Variants in TACC2 observed in about 807,000 individuals in gnomAD.
TACC2 encodes the protein transforming acidic coiled-coil-containing protein 2.
Under a neutral mutation model 227.3 loss-of-function variants are expected in TACC2, and 137 were observed. That is an observed-to-expected ratio of 0.60 (90% CI 0.52 to 0.69). The LOEUF (loss-of-function observed/expected upper bound fraction) is 0.69. Ranked by LOEUF, TACC2 falls within the 30% of genes least tolerant of loss-of-function variation. The pLI is 0.00. For synonymous variants in TACC2, 1,523 were observed against 1,487.5 expected (o/e 1.02, Z -0.55); for missense variants, 3,470 against 3,694.4 (o/e 0.94, Z 1.57).
Position 121,989,335 on chromosome 10 carries a change from A to G in TACC2, c.-199A>G, listed in dbSNP as rs970907229. 1.3e-5 allele frequency: 2 copies of G among 152,206 alleles called. No individual in the cohort carries two copies. Among genetic ancestry groups the G allele is most frequent in the African/African-American group, 4.8e-5 (2 of 41,450 alleles). The allele number at this position is 152,206 out of a possible 1,614,324, so 9.4% of individuals were successfully genotyped here. Reference sequence around the variant, plus strand: ...TTTACTTCCTTTCATTCCTCTCTAAAACTTTTTTAAAAACTTTCACTCCTG... The same window carrying G: ...TTTACTTCCTTTCATTCCTCTCTAAGACTTTTTTAAAAACTTTCACTCCTG... On this transcript the variant is annotated 5_prime_UTR_variant, in exon 1 of 23. Transcript: ENST00000369005.
At chr10:122,207,724 GCT>G (rs1185189284) in intron 8 of TACC2, among the ~76,000 whole-genome samples, 2 of 152,244 alleles carry the variant, frequency 1.3e-5, no homozygotes, top group East Asian at 3.8e-4. Context: ...CAGGCAGGGA[GCT>G]CTTTCTTCTG....
At chr10:122,106,771 A>C (rs947296813) in intron 5 of TACC2, among the ~76,000 whole-genome samples, 2 of 152,248 alleles carry the variant, frequency 1.3e-5, no homozygotes, top group Non-Finnish European at 2.9e-5. Flanking sequence ...AATACAAGAA[A>C]GCTTCAACAA....
chr10:122,156,385 G>A (rs1386596554), intron 7 of TACC2, among the ~76,000 whole-genome samples: 2 of 150,246 alleles, frequency 1.3e-5, no homozygotes, highest in African/African-American at 2.4e-5. Flanking sequence ...CACCATGCCC[G>A]GCTAATTTTT....
chr10:121,992,763 T>C (rs1157057342), intron 1 of TACC2, among the ~76,000 whole-genome samples: 1 of 152,024 alleles, frequency 6.6e-6, no homozygotes, highest in African/African-American at 2.4e-5. Context: ...GAGACCAGCC[T>C]GGGCAACACG....
rs372654688 is a variant in TACC2, at chr10:122,129,452, C to T, written c.5574-3157C>T. Among the ~76,000 whole-genome samples, 208 of 152,230 alleles carry T rather than the reference C, an allele frequency of 1.4e-3. 1 individual carries two copies. In the Middle Eastern group the frequency reaches 0.031, roughly 23 times the overall value. On this transcript the variant is annotated intron_variant, in intron 5 of 22. Coordinates refer to ENST00000369005, the MANE Select transcript of TACC2 (RefSeq NM_206862.4). The stretch of plus-strand genomic sequence containing the variant: ...CTACTGTTGGGCATTTTGGTTGTTT[C>T]CAGATTTTTTGCTATCGTGATTCCA...
At chr10:122,068,327 T>C (rs976949084) in intron 3 of TACC2, among the ~76,000 whole-genome samples, 1 of 152,232 alleles carries the variant, frequency 6.6e-6, no homozygotes, top group Non-Finnish European at 1.5e-5. Flanking sequence ...CAAATTATGT[T>C]ATTTTTTTTC....
rs1190274688 is a variant in TACC2 at position 122,205,833 on chromosome 10, C to T, written c.5972-4564C>T. Among the ~76,000 whole-genome samples, 1 of 152,200 alleles carries T rather than the reference C, an allele frequency of 6.6e-6. No homozygotes were observed. The highest frequency in any genetic ancestry group is 1.5e-5 in the Non-Finnish European group (1 of 68,028). Reference sequence around the variant, plus strand: ...ACTTGCTCTGAGCTACCCACAGCAACCAGCAAACTGCCACAGAAAGACCAA... The same window carrying T: ...ACTTGCTCTGAGCTACCCACAGCAATCAGCAAACTGCCACAGAAAGACCAA... On this transcript the variant is annotated intron_variant, in intron 8 of 22. Transcript: ENST00000369005. The surrounding 1 kb of genome is among the most constrained non-coding windows in gnomAD (Gnocchi z 4.5).
intron 7 of TACC2, among the ~76,000 whole-genome samples, chr10:122,166,553 T>C (rs1375359691): frequency 6.6e-6 from 1 of 152,202 alleles, no homozygotes; most frequent in South Asian, 2.1e-4. Context: ...ACTCCCAGGG[T>C]CGGCCACACA....
At chr10:122,155,382 C>A in intron 7 of TACC2, among the ~76,000 whole-genome samples, 1 of 152,244 alleles carries the variant, frequency 6.6e-6, no homozygotes, top group East Asian at 1.9e-4. Flanking sequence ...TAGAGGAACT[C>A]CGTGGATTAA....
chr10:122,115,245 C>A (rs962149159), intron 5 of TACC2, among the ~76,000 whole-genome samples: 4 of 151,752 alleles, frequency 2.6e-5, no homozygotes, highest in Non-Finnish European at 5.9e-5. Context: ...TGACACAGCC[C>A]CCACCTTCAA....
chr10:122,218,396 G>A (rs1473492088), intron 11 of TACC2, among the ~76,000 whole-genome samples: 2 of 152,102 alleles, frequency 1.3e-5, no homozygotes, highest in African/African-American at 2.4e-5. Context: ...TCATGAGGGT[G>A]CAGGTAGATT....
chr10:122,115,702 A>T (rs1445271808), intron 5 of TACC2, among the ~76,000 whole-genome samples: 3 of 151,590 alleles, frequency 2.0e-5, no homozygotes. Context: ...GAAGAGAATG[A>T]GGGCTTGATG....
intron 1 of TACC2, among the ~76,000 whole-genome samples, chr10:121,990,692 C>T (rs1952991849): frequency 6.6e-6 from 1 of 152,222 alleles, no homozygotes. Flanking sequence ...CCATTACCCA[C>T]AACCATGGAG....
At position 122,208,848 on chromosome 10, in the gene TACC2, T is replaced by C. The variant is rs954698574; in HGVS notation, c.5972-1549T>C. On this transcript the variant is annotated intron_variant, in intron 8 of 22. Coordinates refer to ENST00000369005, the MANE Select transcript of TACC2 (RefSeq NM_206862.4). ...TTCTGCATCTCCCAGTACTTAGGCC[T>C]GCAGACCGCTTTATCGTGTTTGCCC... is the stretch of plus-strand genomic sequence containing the variant. 5.3e-5 allele frequency among the ~76,000 whole-genome samples: 8 copies of C among 152,330 alleles called. No homozygotes were observed. The South Asian group carries it at 1.7e-3, about 32-fold the overall frequency.
At chr10:122,028,592 C>A (rs1237178419) in intron 2 of TACC2, among the ~76,000 whole-genome samples, 1 of 149,370 alleles carries the variant, frequency 6.7e-6, no homozygotes, top group Non-Finnish European at 1.5e-5. Flanking sequence ...GCTGAACTCA[C>A]TTATTAGTTC....
intron 6 of TACC2, 93 bp downstream of exon 6, chr10:122,132,827 C>G (rs1357213065): frequency 1.7e-5 from 23 of 1,345,760 alleles, no homozygotes; most frequent in Non-Finnish European, 2.2e-5. Context: ...CTCCCCTCCT[C>G]TCTTTTCTCC....
rs202167155 is a variant in TACC2, at chr10:122,083,752, C to A, written c.1252C>A (p.Pro418Thr). 3.7e-6 allele frequency: 6 copies of A among 1,613,972 alleles called. No individual in the cohort carries two copies. The highest frequency in any genetic ancestry group is 3.3e-5 in the Admixed American group (2 of 60,010). The change falls in exon 4 of 23, where the codon CCA becomes ACA. Residue 418 changes from proline (P) to threonine (T), a missense_variant. Transcript: ENST00000369005. ...GCTCACTCCGACTGAGGAAGCACAT[C>A]CAGCTTCAAGCCTCGCTTCATTCCC... ...SLLTPTEEAHPASSLASFPAA... is the reference protein window; with the variant it reads ...SLLTPTEEAHTASSLASFPAA...
Position 122,248,779 on chromosome 10 carries a change from G to A in TACC2, c.8529G>A (p.Lys2843=). ...TCTTCAGAAGATATGAGAAGATGAA[G>A]GAGGTCCTAGAAGGCTTCCGCAAGG... ...ADLFRRYEKM[K]EVLEGFRKNE... is the part of the protein sequence containing the mutation. The change falls in exon 20 of 23, where the codon AAG becomes AAA. Residue 2843 remains lysine (K), a synonymous_variant. Coordinates refer to ENST00000369005, the MANE Select transcript of TACC2 (RefSeq NM_206862.4). 6.2e-7 allele frequency: 1 copy of A among 1,614,180 alleles called. No individual in the cohort carries two copies. Among genetic ancestry groups the A allele is most frequent in the African/African-American group, 1.3e-5 (1 of 75,062 alleles).
intron 7 of TACC2, among the ~76,000 whole-genome samples, chr10:122,188,666 A>T (rs1393332797): frequency 1.3e-5 from 2 of 152,216 alleles, no homozygotes; most frequent in African/African-American, 4.8e-5. Flanking sequence ...TAACCCAGGC[A>T]TGGGACTCCT....
Sources: gnomAD v4.1 joint callset for allele counts (sites outside exome capture counted in the v4.1 genomes callset) on GRCh38, gnomAD v4.1.1 for gene constraint, Gnocchi (gnomAD v3.1) non-coding constraint, MANE v1.5 for transcripts, NCBI Gene and HGNC (gene_info 2026-07-23, HGNC 2026-07-21) for gene names.